Variants in CNTN4 observed in about 807,000 individuals in gnomAD.
CNTN4 encodes contactin 4, also known as contactin-4.
A neutral mutation model predicts 122.5 loss-of-function variants in CNTN4; 77 were observed. The ratio of observed to expected loss-of-function variants is 0.63; its 90% CI spans 0.52 to 0.76. CNTN4 has a LOEUF of 0.76. CNTN4 is among the 30% of genes least tolerant of loss of function. The pLI is 0.00. For synonymous variants in CNTN4, 512 were observed against 447.0 expected, an observed-to-expected ratio of 1.15 and a Z score of -1.83; for missense variants, 1,256 against 1,259.1, an observed-to-expected ratio of 1.00 and a Z score of 0.04.
intron 2 of CNTN4, among the ~76,000 whole-genome samples, chr3:2,162,348 T>C (rs1334783041): frequency 3.3e-5 from 5 of 152,364 alleles, no homozygotes; most frequent in South Asian, 2.1e-4. Context: ...TTTAAAAAGA[T>C]AACAGAATCC....
At chr3:2,423,036 G>A (rs535340117) in intron 3 of CNTN4, among the ~76,000 whole-genome samples, 1 of 152,304 alleles carries the variant, frequency 6.6e-6, no homozygotes, top group South Asian at 2.1e-4. Context: ...CATGTAAAGC[G>A]ACTGCGTTGT....
chr3:2,788,149 A>T (rs2091900183), intron 6 of CNTN4, among the ~76,000 whole-genome samples: 1 of 152,208 alleles, frequency 6.6e-6, no homozygotes, highest in Non-Finnish European at 1.5e-5. Context: ...TCATCATAAC[A>T]GAAATAGCTA....
intron 2 of CNTN4, among the ~76,000 whole-genome samples, chr3:2,123,205 C>A (rs1054835969): frequency 7.2e-5 from 11 of 152,192 alleles, no homozygotes; most frequent in African/African-American, 2.4e-4. Context: ...CTAATCTTTA[C>A]AACAACCCTC....
At chr3:2,794,490 A>G (rs779056866) in intron 6 of CNTN4, among the ~76,000 whole-genome samples, 37 of 152,204 alleles carry the variant, frequency 2.4e-4, no homozygotes, top group Non-Finnish European at 4.0e-4. Context: ...CTGTTTTTAG[A>G]ACAAACTTTG....
chr3:2,729,905 C>T (rs541098459), intron 4 of CNTN4, among the ~76,000 whole-genome samples: 9 of 152,212 alleles, frequency 5.9e-5, no homozygotes, highest in Admixed American at 1.3e-4. Flanking sequence ...CAGAGGGAGA[C>T]CCCATCTCAA....
intron 2 of CNTN4, among the ~76,000 whole-genome samples, chr3:2,305,493 A>G (rs1446119452): frequency 6.6e-6 from 1 of 152,182 alleles, no homozygotes; most frequent in Non-Finnish European, 1.5e-5. Flanking sequence ...ATTAGTTGCT[A>G]AATTTAACTT....
At chr3:2,661,583 T>G (rs1042761266) in intron 4 of CNTN4, among the ~76,000 whole-genome samples, 1 of 151,000 alleles carries the variant, frequency 6.6e-6, no homozygotes, top group Non-Finnish European at 1.5e-5. Flanking sequence ...AAGGCCGAGG[T>G]GGGCGGATCA....
chr3:2,424,187 G>A (rs1269030764), intron 3 of CNTN4, among the ~76,000 whole-genome samples: 5 of 149,086 alleles, frequency 3.4e-5, no homozygotes, highest in East Asian at 2.1e-4. Context: ...TTTACATTAG[G>A]TATGTTTCCT....
intron 3 of CNTN4, among the ~76,000 whole-genome samples, chr3:2,486,955 A>T (rs897889822): frequency 1.7e-4 from 26 of 152,054 alleles, no homozygotes; most frequent in Admixed American, 5.2e-4. Flanking sequence ...GTTCTTTTTT[A>T]AAAAAAATAA....
intron 7 of CNTN4, among the ~76,000 whole-genome samples, chr3:2,853,519 A>G (rs934605694): frequency 1.3e-5 from 2 of 152,216 alleles, no homozygotes; most frequent in African/African-American, 4.8e-5. Context: ...CTAGGATTGC[A>G]GCCATGAGCT....
chr3:2,723,547 T>G (rs936505958), intron 4 of CNTN4, among the ~76,000 whole-genome samples: 1 of 152,184 alleles, frequency 6.6e-6, no homozygotes, highest in Non-Finnish European at 1.5e-5. Flanking sequence ...ATGAAGGCTG[T>G]GTCTTCACAC....
At chr3:2,255,581 A>C (rs777147903) in intron 2 of CNTN4, among the ~76,000 whole-genome samples, 1 of 152,196 alleles carries the variant, frequency 6.6e-6, no homozygotes, top group Non-Finnish European at 1.5e-5. Context: ...GAAATATGAC[A>C]AACAGTCTCT....
At chr3:2,569,918 G>T (rs1043139094) in intron 3 of CNTN4, among the ~76,000 whole-genome samples, 33 of 152,154 alleles carry the variant, frequency 2.2e-4, no homozygotes, top group African/African-American at 7.5e-4. Context: ...CTCAGTAACA[G>T]CCCCTACTGG....
intron 2 of CNTN4, among the ~76,000 whole-genome samples, chr3:2,125,054 C>T (rs1204293820): frequency 2.6e-5 from 4 of 152,018 alleles, no homozygotes; most frequent in African/African-American, 9.7e-5. Flanking sequence ...AGATCTCTAG[C>T]ACTTATTCAT....
chr3:2,903,531 G>A (rs573385443), intron 12 of CNTN4, among the ~76,000 whole-genome samples: 19 of 152,060 alleles, frequency 1.2e-4, no homozygotes, highest in African/African-American at 3.1e-4. Context: ...CCATCCTCCC[G>A]TCCTCTGCAG....
chr3:2,223,794 C>T (rs1166071838), intron 2 of CNTN4, among the ~76,000 whole-genome samples: 3 of 152,126 alleles, frequency 2.0e-5, no homozygotes, highest in Non-Finnish European at 4.4e-5. Flanking sequence ...AAATGGCTTC[C>T]CGCTTTGACA....
At chr3:2,447,243 T>G (rs2048660481) in intron 3 of CNTN4, among the ~76,000 whole-genome samples, 1 of 152,186 alleles carries the variant, frequency 6.6e-6, no homozygotes, top group Non-Finnish European at 1.5e-5. Context: ...AGCCTAAGCA[T>G]ATTGCCATGA....
chr3:2,537,165 T>C (rs1246857747), intron 3 of CNTN4, among the ~76,000 whole-genome samples: 1 of 152,084 alleles, frequency 6.6e-6, no homozygotes, highest in East Asian at 1.9e-4. Flanking sequence ...TAGGAAACCA[T>C]GTAGTGCATG....
At chr3:2,983,126 A>G (rs1415646008) in intron 13 of CNTN4, among the ~76,000 whole-genome samples, 13 of 143,196 alleles carry the variant, frequency 9.1e-5, no homozygotes, top group African/African-American at 3.4e-4. Flanking sequence ...AGACAGGAGA[A>G]TGGTATGAAC....
Sources: allele counts gnomAD v4.1 joint callset (sites outside exome capture counted in the v4.1 genomes callset), GRCh38; gene constraint gnomAD v4.1.1; transcripts MANE v1.5; gene names NCBI Gene and HGNC (gene_info 2026-07-23, HGNC 2026-07-21).